Variants in ZNF462 observed in about 807,000 individuals in gnomAD.
The protein encoded by ZNF462 is zinc finger PBX1-interacting protein.
ZNF462 carries 10 observed loss-of-function variants against 201.9 expected under a neutral mutation model. The observed-to-expected ratio is 0.05, with a 90% CI of 0.03 to 0.08. The LOEUF is 0.08. Among genes scored for constraint, ZNF462 ranks in the 10% least tolerant of loss-of-function variants. The probability of loss-of-function intolerance (pLI) is 1.00; values close to 1 mark genes in which losing one functional copy is unlikely to be tolerated. For missense variants in ZNF462, 2,523 were observed against 3,168.3 expected (o/e 0.80, Z 4.89); for synonymous variants, 1,227 against 1,193.3 (o/e 1.03, Z -0.58).
At chr9:106,991,603 A>G (rs1037496549) in intron 10 of ZNF462, among the ~76,000 whole-genome samples, 10 of 151,928 alleles carry the variant, frequency 6.6e-5, no homozygotes, top group African/African-American at 2.2e-4. Context: ...AGAAACAACA[A>G]AATCAGAGGA....
chr9:106,934,550 ACT>A (rs1830552713), intron 5 of ZNF462, among the ~76,000 whole-genome samples: 1 of 152,136 alleles, frequency 6.6e-6, no homozygotes, highest in African/African-American at 2.4e-5. Context: ...TTTGTAGAAA[ACT>A]CTCTGATGGG....
chr9:106,862,388 C>A (rs1254442736), upstream of ZNF462, among the ~76,000 whole-genome samples: 1 of 152,112 alleles, frequency 6.6e-6, no homozygotes, highest in African/African-American at 2.4e-5. The surrounding 1 kb of genome is among the most constrained non-coding windows in gnomAD (Gnocchi z 4.2). Context: ...CGGGCAGGGT[C>A]CTCACCGGGG....
In ZNF462 at chr9:106,890,494, C is replaced by T. The variant is rs1693819925; in HGVS notation, c.-31+27139C>T. On this transcript the variant is annotated intron_variant, in intron 1 of 12. Transcript: ENST00000277225. The surrounding 1 kb of genome is among the most constrained non-coding windows in gnomAD (Gnocchi z 4.2). ...CATATCCACACACCTGCAGTTCTTT[C>T]TCTGTGTCCACAAACATGGTTTTAC... is the stretch of plus-strand genomic sequence containing the variant. 6.6e-6 allele frequency among the ~76,000 whole-genome samples: 1 copy of T among 152,230 alleles called. No homozygotes were observed. Among genetic ancestry groups the T allele is most frequent in the Non-Finnish European group, 1.5e-5 (1 of 68,048 alleles).
chr9:106,943,059 C>CGCGCGCGCGCGCGCGTGTGT (rs374167214), intron 7 of ZNF462, among the ~76,000 whole-genome samples: 9 of 143,152 alleles, frequency 6.3e-5, no homozygotes, highest in African/African-American at 2.4e-4. Context: ...TTTGCGCGCG[C>CGCGCGCGCGCGCGCGTGTGT]GTGTGTGTGT....
chr9:106,959,032 A>C (rs1349064386), intron 7 of ZNF462, among the ~76,000 whole-genome samples: 1 of 152,136 alleles, frequency 6.6e-6, no homozygotes, highest in Non-Finnish European at 1.5e-5. Context: ...CCCTGAGATG[A>C]CTTTTTGAAG....
Position 106,928,223 on chromosome 9 carries a change from C to T in ZNF462, c.4311C>T (p.Phe1437=). 1 of 1,614,126 alleles carries T rather than the reference C, an allele frequency of 6.2e-7. No individual in the cohort carries two copies. Residue 1437 remains phenylalanine, a synonymous_variant, in exon 3 of 13, where the codon TTC becomes TTT. Coordinates refer to ENST00000277225, the MANE Select transcript of ZNF462 (RefSeq NM_021224.6). The surrounding 1 kb of genome is among the most constrained non-coding windows in gnomAD (Gnocchi z 9.3). The part of the protein sequence containing the change: ...VNCENSIPTP[F]PEQEAECPED... ...GTGAAAACAGTATACCCACCCCTTT[C>T]CCGGAGCAGGAAGCTGAATGTCCAG... is the stretch of plus-strand genomic sequence containing the variant.
chr9:106,935,834 C>G lies in ZNF462; in HGVS notation c.6235+213C>G, dbSNP rs891256401. On this transcript the variant is annotated intron_variant, in intron 6 of 12. Transcript: ENST00000277225. This position sits in a 1 kb window ranked among gnomAD's most constrained non-coding sequence, Gnocchi z 4.1. Reference sequence around the variant, plus strand: ...CACCTAAATCCAAAATAATACAAAGCCTATGTCACCCATGTTATGGTTAGT... The same window carrying G: ...CACCTAAATCCAAAATAATACAAAGGCTATGTCACCCATGTTATGGTTAGT... 5.9e-5 allele frequency among the ~76,000 whole-genome samples: 9 copies of G among 152,110 alleles called. No homozygotes were observed. Among genetic ancestry groups the G allele is most frequent in the Non-Finnish European group, 1.3e-4 (9 of 68,020 alleles).
intron 1 of ZNF462, among the ~76,000 whole-genome samples, chr9:106,915,316 G>A (rs1375611587): frequency 6.6e-6 from 1 of 151,712 alleles, no homozygotes; most frequent in Non-Finnish European, 1.5e-5. Flanking sequence ...TTCGAGGCTT[G>A]GCTCCTTAAC....
chr9:106,907,193 T>G (rs1829308026), intron 1 of ZNF462, among the ~76,000 whole-genome samples: 1 of 152,194 alleles, frequency 6.6e-6, no homozygotes, highest in Admixed American at 6.5e-5. Context: ...GGATTTTATT[T>G]TGAATTTCTG....
rs912534233 is a variant in ZNF462 at position 106,865,763 on chromosome 9, CT to C, written c.-31+2413del. ...AAACCTTATGTCCAGGTATCTTCAC[CT>C]TTTTAATTGGGAGGAATTTATTAAT... On this transcript the variant is annotated intron_variant, in intron 1 of 12. Coordinates refer to ENST00000277225, the MANE Select transcript of ZNF462 (RefSeq NM_021224.6). The surrounding 1 kb of genome is among the most constrained non-coding windows in gnomAD (Gnocchi z 4.1). Among the ~76,000 whole-genome samples the C allele has an allele frequency of 5.3e-5, 8 of 152,092 alleles. No homozygotes were observed. Among genetic ancestry groups the C allele is most frequent in the African/African-American group, 1.9e-4 (8 of 41,414 alleles).
intron 1 of ZNF462, among the ~76,000 whole-genome samples, chr9:106,869,031 C>G (rs1827471013): frequency 1.3e-5 from 2 of 152,204 alleles, no homozygotes; most frequent in Non-Finnish European, 2.9e-5. Flanking sequence ...CTTTCCTGCT[C>G]TCATCTCTCA....
At chr9:106,864,004 G>A (rs1827175223) in intron 1 of ZNF462, among the ~76,000 whole-genome samples, 1 of 147,138 alleles carries the variant, frequency 6.8e-6, no homozygotes, top group Admixed American at 7.0e-5. Context: ...GCAAAGCCGT[G>A]CGGATTGGCA....
upstream of ZNF462, among the ~76,000 whole-genome samples, chr9:106,860,942 CTTCT>C (rs563099298): frequency 7.9e-5 from 12 of 152,092 alleles, no homozygotes; most frequent in South Asian, 2.1e-3. This position sits in a 1 kb window ranked among gnomAD's most constrained non-coding sequence, Gnocchi z 7.1. Context: ...TCTCTCCTTT[CTTCT>C]TTCTCTTCTC....
chr9:106,882,195 T>C (rs1275710842), intron 1 of ZNF462, among the ~76,000 whole-genome samples: 1 of 152,208 alleles, frequency 6.6e-6, no homozygotes, highest in Admixed American at 6.5e-5. Context: ...AATGAGTTCC[T>C]GAACAGGACT....
chr9:106,881,121 C>T (rs1828075752), intron 1 of ZNF462, among the ~76,000 whole-genome samples: 1 of 152,164 alleles, frequency 6.6e-6, no homozygotes, highest in Admixed American at 6.5e-5. Context: ...CTGCTGAGTT[C>T]ATCTTGCTTC....
At chr9:106,953,055 T>C (rs755237291) in intron 7 of ZNF462, among the ~76,000 whole-genome samples, 2 of 152,218 alleles carry the variant, frequency 1.3e-5, no homozygotes, top group Non-Finnish European at 2.9e-5. Context: ...AAGTGCTCTG[T>C]GTTTGAAATA....
At position 106,929,010 on chromosome 9, in the gene ZNF462, G is replaced by T. The variant is rs770876120; in HGVS notation, c.5098G>T (p.Ala1700Ser). 23 of 1,613,996 alleles carry T rather than the reference G, an allele frequency of 1.4e-5. No homozygotes were observed. The highest frequency in any genetic ancestry group is 1.8e-5 in the Non-Finnish European group (21 of 1,180,010). Reference sequence around the variant, plus strand: ...AGGCAAGAACAACCTCTTCAAGTGTGCCCTGTGTGCCTACACCAACCCCAT... The same window carrying T: ...AGGCAAGAACAACCTCTTCAAGTGTTCCCTGTGTGCCTACACCAACCCCAT... ...PEGKNNLFKC[A>S]LCAYTNPIRK... Residue 1700 changes from alanine to serine, a missense_variant, in exon 3 of 13, where the codon GCC becomes TCC. Ala to Ser is a moderately conservative substitution (Grantham distance 99). Coordinates refer to ENST00000277225, the MANE Select transcript of ZNF462 (RefSeq NM_021224.6). The surrounding 1 kb of genome is among the most constrained non-coding windows in gnomAD (Gnocchi z 8.7).
At chr9:106,998,587 C>G (rs1683993829) in intron 10 of ZNF462, among the ~76,000 whole-genome samples, 1 of 151,854 alleles carries the variant, frequency 6.6e-6, no homozygotes, top group Admixed American at 6.6e-5. Context: ...CATTTGACAC[C>G]TCATCTCACT....
chr9:106,957,806 A>G (rs1831647376), intron 7 of ZNF462, among the ~76,000 whole-genome samples: 1 of 152,164 alleles, frequency 6.6e-6, no homozygotes, highest in South Asian at 2.1e-4. Context: ...TATTCAGGAA[A>G]TAGAGCAAAG....
Sources: gnomAD v4.1 joint callset for allele counts (sites outside exome capture counted in the v4.1 genomes callset) on GRCh38, gnomAD v4.1.1 for gene constraint, Gnocchi (gnomAD v3.1) non-coding constraint, MANE v1.5 for transcripts, NCBI Gene and HGNC (gene_info 2026-07-23, HGNC 2026-07-21) for gene names.